The following DGLUCY variants were observed in gnomAD, a reference collection of about 807,000 sequenced individuals.
The protein encoded by DGLUCY is D-glutamate cyclase, mitochondrial.
Under a neutral mutation model 58.5 loss-of-function variants are expected in DGLUCY, and 58 were observed. The ratio of observed to expected loss-of-function variants is 0.99; its 90% CI spans 0.80 to 1.23. The LOEUF (loss-of-function observed/expected upper bound fraction) is 1.23, where lower values mean the gene tolerates loss of function less well. Among genes scored for constraint, DGLUCY ranks in the 50% most tolerant of loss-of-function variants. The pLI, the probability that DGLUCY is intolerant of heterozygous loss-of-function variation, is 0.00. For missense variants in DGLUCY, 779 were observed against 784.7 expected (o/e 0.99, Z 0.09); for synonymous variants, 325 against 314.1 (o/e 1.03, Z -0.37).
intron 8 of DGLUCY, among the ~76,000 whole-genome samples, chr14:91,188,517 G>C (rs1218015864): frequency 6.6e-6 from 1 of 152,168 alleles, no homozygotes. Context: ...TTACTGTAAA[G>C]TTTCTACTTT....
At chr14:91,184,901 T>TA (rs1450626565) in intron 8 of DGLUCY, among the ~76,000 whole-genome samples, 1 of 152,166 alleles carries the variant, frequency 6.6e-6, no homozygotes, top group African/African-American at 2.4e-5. Context: ...CCACCACAGA[T>TA]ACACCTCATA....
At chr14:91,151,409 T>A (rs1415092782) in intron 1 of DGLUCY, among the ~76,000 whole-genome samples, 3 of 151,916 alleles carry the variant, frequency 2.0e-5, no homozygotes, top group African/African-American at 7.2e-5. Flanking sequence ...CCGGCTAATT[T>A]TTTTTTATTA....
At chr14:91,153,212 T>G (rs958571215) in intron 1 of DGLUCY, among the ~76,000 whole-genome samples, 2 of 152,190 alleles carry the variant, frequency 1.3e-5, no homozygotes, top group Non-Finnish European at 2.9e-5. Context: ...AGACACAGTC[T>G]CGCTCTGTCG....
At chr14:91,088,578 A>C (rs1359065780) in intron 1 of DGLUCY, among the ~76,000 whole-genome samples, 1 of 152,208 alleles carries the variant, frequency 6.6e-6, no homozygotes, top group Non-Finnish European at 1.5e-5. Context: ...GAGCCAGGGC[A>C]GAGCTTGTCC....
At chr14:91,127,445 T>G (rs1303698752) in intron 1 of DGLUCY, among the ~76,000 whole-genome samples, 1 of 152,210 alleles carries the variant, frequency 6.6e-6, no homozygotes, top group Non-Finnish European at 1.5e-5. Context: ...TTGTCCTCGC[T>G]GCACCTGCCC....
intron 1 of DGLUCY, among the ~76,000 whole-genome samples, chr14:91,124,076 C>T (rs1026872841): frequency 3.3e-5 from 5 of 151,964 alleles, no homozygotes; most frequent in African/African-American, 9.7e-5. Context: ...TACAGTCGCA[C>T]GCCATCATGC....
intron 1 of DGLUCY, among the ~76,000 whole-genome samples, chr14:91,097,549 T>C (rs1755805767): frequency 6.6e-6 from 1 of 152,184 alleles, no homozygotes; most frequent in Non-Finnish European, 1.5e-5. Context: ...TTGTTAAGCC[T>C]CATGTTTCCC....
chr14:91,221,825 T>G (rs898232029), intron 13 of DGLUCY, among the ~76,000 whole-genome samples: 1 of 152,132 alleles, frequency 6.6e-6, no homozygotes, highest in African/African-American at 2.4e-5. Flanking sequence ...TTTACATAAG[T>G]ATACACCCTT....
At chr14:91,068,075 G>GCACA (rs778305281) in intron 1 of DGLUCY, among the ~76,000 whole-genome samples, 12 of 46,058 alleles carry the variant, frequency 2.6e-4, no homozygotes, top group Admixed American at 1.5e-3. Flanking sequence ...ACACACACGC[G>GCACA]CACGCACACA....
At position 91,189,024 on chromosome 14, in the gene DGLUCY, A is replaced by G. The variant is rs372940671; in HGVS notation, c.1049A>G (p.His350Arg). The part of the protein sequence containing the change: ...ITTGFPTHFN[H>R]EPPEETDGPP... Reference sequence around the variant, plus strand: ...ACTGGGTTCCCCACACATTTCAATCATGAGCCTCCAGAAGAGACAGATGGC... The same window carrying G: ...ACTGGGTTCCCCACACATTTCAATCGTGAGCCTCCAGAAGAGACAGATGGC... The change falls in exon 9 of 14, where the codon CAT (histidine) becomes CGT (arginine). Residue 350 changes from histidine (H) to arginine (R), a missense_variant. His to Arg is a conservative substitution (Grantham distance 29). Transcript: ENST00000256324. 68 of 1,614,030 alleles carry G rather than the reference A, an allele frequency of 4.2e-5. No individual in the cohort carries two copies. The highest frequency in any genetic ancestry group is 5.5e-5 in the Non-Finnish European group (65 of 1,180,020).
At position 91,215,398 on chromosome 14, in the gene DGLUCY, G is replaced by C. The variant is rs1456904880; in HGVS notation, c.1565-7G>C. On this transcript the variant is annotated splice_region_variant and splice_polypyrimidine_tract_variant and intron_variant, in intron 12 of 13. Coordinates refer to ENST00000256324, the MANE Select transcript of DGLUCY (RefSeq NM_001102368.3). ...CTCCATGATGGAATCTTGTTTTGCT[G>C]TTCTAGGTGTTTCTAACTGGGGAGG... 2 of 1,600,790 alleles carry C rather than the reference G, an allele frequency of 1.2e-6. No individual in the cohort carries two copies. Among genetic ancestry groups the C allele is most frequent in the Non-Finnish European group, 8.5e-7 (1 of 1,171,044 alleles).
chr14:91,139,069 A>G (rs2046502454), intron 1 of DGLUCY, among the ~76,000 whole-genome samples: 1 of 152,184 alleles, frequency 6.6e-6, no homozygotes, highest in South Asian at 2.1e-4. Context: ...TAGTATAAAG[A>G]ATTGGCTCAC....
chr14:91,102,582 A>G (rs182510312), intron 1 of DGLUCY, among the ~76,000 whole-genome samples: 7 of 152,156 alleles, frequency 4.6e-5, no homozygotes, highest in Non-Finnish European at 1.0e-4. Context: ...CCACGGAGAG[A>G]CTGTGGAATG....
At chr14:91,077,276 AG>A (rs1329488291) in intron 1 of DGLUCY, among the ~76,000 whole-genome samples, 1 of 150,994 alleles carries the variant, frequency 6.6e-6, no homozygotes, top group African/African-American at 2.4e-5. Context: ...AGAGAGAGAG[AG>A]AGAGAGAAAC....
At chr14:91,107,300 T>C (rs1566942895), upstream of DGLUCY, among the ~76,000 whole-genome samples, 1 of 151,728 alleles carries the variant, frequency 6.6e-6, no homozygotes, top group Non-Finnish European at 1.5e-5. Flanking sequence ...GGGTGGATCA[T>C]CTGAGGTCGG....
chr14:91,108,472 A>C (rs1031773564), intron 1 of DGLUCY, among the ~76,000 whole-genome samples: 1 of 141,250 alleles, frequency 7.1e-6, no homozygotes, highest in African/African-American at 2.6e-5. Context: ...GTCACTGGAA[A>C]GGCCCTTGAA....
chr14:91,198,726 A>C (rs1294048623), intron 10 of DGLUCY, among the ~76,000 whole-genome samples: 3 of 152,136 alleles, frequency 2.0e-5, no homozygotes, highest in African/African-American at 7.2e-5. Flanking sequence ...ACCAACACTG[A>C]CTGAGCACTG....
rs1414470366 is a variant in DGLUCY, at chr14:91,167,348, T to A, written c.227T>A (p.Leu76Gln). 3 of 1,614,140 alleles carry A rather than the reference T, an allele frequency of 1.9e-6. No individual in the cohort carries two copies. Residue 76 changes from leucine (L) to glutamine (Q), a missense_variant, in exon 4 of 14, where the codon CTG (leucine) becomes CAG (glutamine). Transcript: ENST00000256324. ...CAGAGTGAGCCAGAAAAGTGGATGC[T>A]GCCCCCTCAAGGTGCTATCTCAGAG... ...LGQSEPEKWMLPPQGAISETR... is the reference protein window; with the variant it reads ...LGQSEPEKWMQPPQGAISETR...
chr14:91,148,903 T>C (rs2047155196), intron 1 of DGLUCY: 1 of 152,474 alleles, frequency 6.6e-6, no homozygotes, highest in Non-Finnish European at 1.5e-5. Context: ...AAGCCGTGAT[T>C]GTGCCACTGC....
Sources: allele counts gnomAD v4.1 joint callset (sites outside exome capture counted in the v4.1 genomes callset), GRCh38; gene constraint gnomAD v4.1.1; transcripts MANE v1.5; gene names NCBI Gene and HGNC (gene_info 2026-07-23, HGNC 2026-07-21).